KLRG1: variants seen among roughly 807,000 people sequenced by gnomAD.
The protein encoded by KLRG1 is killer cell lectin-like receptor subfamily G member 1.
Under a neutral mutation model 21.8 loss-of-function variants are expected in KLRG1, and 16 were observed. The observed-to-expected ratio is 0.73, with a 90% CI of 0.50 to 1.11. The LOEUF (loss-of-function observed/expected upper bound fraction) is 1.11. Among genes scored for constraint, KLRG1 ranks in the 50% most tolerant of loss-of-function variants. The probability of loss-of-function intolerance (pLI) is 0.00; values close to 1 mark genes in which losing one functional copy is unlikely to be tolerated. For missense variants in KLRG1, 173 were observed against 218.3 expected, an observed-to-expected ratio of 0.79 and a Z score of 1.31; for synonymous variants, 69 against 75.9, an observed-to-expected ratio of 0.91 and a Z score of 0.47.
At chr12:9,152,998 C>A in the KLRG1 span, 1 of 1,612,618 alleles carries the variant, frequency 6.2e-7, no homozygotes, top group Non-Finnish European at 8.5e-7. Context: ...TTTCTGGACC[C>A]CTCACTTCCT....
At chr12:8,999,680 C>T (rs1027391886) in intron 3 of KLRG1, among the ~76,000 whole-genome samples, 4 of 152,128 alleles carry the variant, frequency 2.6e-5, no homozygotes, top group Non-Finnish European at 5.9e-5. Context: ...ACTAGCTATG[C>T]GAACTTCAAC....
At chr12:9,014,098 G>A (rs779497395), downstream of KLRG1, among the ~76,000 whole-genome samples, 20 of 151,898 alleles carry the variant, frequency 1.3e-4, no homozygotes, top group African/African-American at 4.3e-4. Context: ...AAAGAATGAA[G>A]CATGCCTACA....
chr12:9,055,764 AG>A, the KLRG1 span: 1 of 152,682 alleles, frequency 6.5e-6, no homozygotes, highest in African/African-American at 2.4e-5. Context: ...GAAAGCGAAC[AG>A]GATGACTTCG....
At chr12:9,195,421 T>C in the KLRG1 span, among the ~76,000 whole-genome samples, 1 of 151,190 alleles carries the variant, frequency 6.6e-6, no homozygotes, top group African/African-American at 2.4e-5. Context: ...TTCCCCTTTT[T>C]CCTTCTTTTC....
chr12:9,120,852 CGTGTGTGTGTGT>C, the KLRG1 span, among the ~76,000 whole-genome samples: 2 of 143,408 alleles, frequency 1.4e-5, no homozygotes, highest in Non-Finnish European at 3.0e-5. Flanking sequence ...ATCCCACTAA[CGTGTGTGTGTGT>C]GTGTGTGTGT....
At chr12:9,026,592 A>C in the KLRG1 span, among the ~76,000 whole-genome samples, 2 of 152,188 alleles carry the variant, frequency 1.3e-5, no homozygotes, top group African/African-American at 2.4e-5. Flanking sequence ...GGCTTTGAGC[A>C]TCTTCTCAAG....
the KLRG1 span, among the ~76,000 whole-genome samples, chr12:9,155,368 A>G: frequency 6.6e-6 from 1 of 151,770 alleles, no homozygotes; most frequent in Admixed American, 6.6e-5. Flanking sequence ...AACTACTTCC[A>G]TTGTAGGTGA....
chr12:9,181,883 C>A, the KLRG1 span: 1 of 1,408,818 alleles, frequency 7.1e-7, no homozygotes, highest in South Asian at 1.4e-5. Context: ...ACTCATTTTA[C>A]TTTTCTGGAC....
At chr12:9,162,485 C>T in the KLRG1 span, 1 of 785,006 alleles carries the variant, frequency 1.3e-6, no homozygotes, top group South Asian at 1.7e-5. Flanking sequence ...ATTATGCTGA[C>T]TTTCATGGAA....
At chr12:9,113,300 T>C in the KLRG1 span, 4 of 1,565,118 alleles carry the variant, frequency 2.6e-6, no homozygotes, top group Non-Finnish European at 3.5e-6. Flanking sequence ...GACAGAATAC[T>C]AGATCCCTAT....
the KLRG1 span, among the ~76,000 whole-genome samples, chr12:9,174,656 A>G: frequency 6.6e-6 from 1 of 152,226 alleles, no homozygotes; most frequent in African/African-American, 2.4e-5. Flanking sequence ...AGGCATTTCT[A>G]TACACCAACA....
intron 1 of KLRG1, among the ~76,000 whole-genome samples, chr12:8,952,402 G>C (rs1406380666): frequency 1.3e-5 from 2 of 152,138 alleles, no homozygotes; most frequent in Non-Finnish European, 2.9e-5. Flanking sequence ...TTTTTGCCCA[G>C]GCTTGTCTTG....
At chr12:9,187,077 C>CAAA in the KLRG1 span, among the ~76,000 whole-genome samples, 766 of 128,672 alleles carry the variant, frequency 6.0e-3, 9 homozygotes, top group African/African-American at 0.016. Context: ...CAAGAAAGGT[C>CAAA]AAAAAAAAAA....
the KLRG1 span, among the ~76,000 whole-genome samples, chr12:9,024,018 ATTTTTTTTTT>A: frequency 8.5e-5 from 6 of 70,944 alleles, no homozygotes; most frequent in South Asian, 5.7e-4. Flanking sequence ...GAACACATGG[ATTTTTTTTTT>A]TTTTTTTTTT....
the KLRG1 span, among the ~76,000 whole-genome samples, chr12:9,142,514 C>A: frequency 6.6e-6 from 1 of 152,168 alleles, no homozygotes; most frequent in Non-Finnish European, 1.5e-5. Context: ...AGATTAAAGT[C>A]ACGTGAACTG....
the KLRG1 span, among the ~76,000 whole-genome samples, chr12:9,126,022 T>G: frequency 2.0e-5 from 3 of 152,230 alleles, no homozygotes; most frequent in East Asian, 5.8e-4. Flanking sequence ...CGTGAGCCAC[T>G]GTGCCTGGCC....
chr12:9,077,569 T>C, the KLRG1 span: 1 of 1,489,568 alleles, frequency 6.7e-7, no homozygotes. Context: ...TTCTATCCCC[T>C]CTTTTTTGGT....
upstream of KLRG1, among the ~76,000 whole-genome samples, chr12:8,988,655 G>A (rs895862225): frequency 6.6e-6 from 1 of 151,768 alleles, no homozygotes; most frequent in African/African-American, 2.4e-5. Flanking sequence ...GTCTCGGCTC[G>A]CTGCAACCTC....
chr12:9,056,519 G>A, the KLRG1 span, among the ~76,000 whole-genome samples: 2 of 151,912 alleles, frequency 1.3e-5, no homozygotes, highest in Non-Finnish European at 2.9e-5. Context: ...CCATAAATCA[G>A]TATAATACCC....
Sources: allele counts gnomAD v4.1 joint callset (sites outside exome capture counted in the v4.1 genomes callset), GRCh38; gene constraint gnomAD v4.1.1; transcripts MANE v1.5; gene names NCBI Gene and HGNC (gene_info 2026-07-23, HGNC 2026-07-21).